Variants in GNAZ observed in about 807,000 individuals in gnomAD.
GNAZ encodes the protein G protein subunit alpha z, also known as guanine nucleotide-binding protein G(z) subunit alpha.
Under a neutral mutation model 25.4 loss-of-function variants are expected in GNAZ, and 3 were observed. That is an observed-to-expected ratio of 0.12 (90% CI 0.05 to 0.30). The LOEUF (loss-of-function observed/expected upper bound fraction) is 0.30. Ranked by LOEUF, GNAZ falls within the 10% of genes least tolerant of loss-of-function variation. The pLI, the probability that GNAZ is intolerant of heterozygous loss-of-function variation, is 1.00. For synonymous variants in GNAZ, 211 were observed against 205.7 expected (o/e 1.03, Z -0.22); for missense variants, 241 against 501.8 (o/e 0.48, Z 4.97).
rs200852509 is a variant in GNAZ at position 23,100,097 on chromosome 22, C to CCTG, written c.723+3680_723+3682dup. The stretch of plus-strand genomic sequence containing the variant: ...AGCCCTGTGGCGGGTCTGTTTTGCA[C>CCTG]CTGTGATGGACCTGCTGTGCAGGCT... On this transcript the variant is annotated intron_variant, in intron 2 of 2. Transcript: ENST00000615612. 6.4e-3 allele frequency among the ~76,000 whole-genome samples: 976 copies of CCTG among 152,336 alleles called. 7 individuals carry two copies. The highest frequency in any genetic ancestry group is 0.022 in the African/African-American group (895 of 41,570).
chr22:23,121,854 T>TGCCCAA (rs891114075), intron 2 of GNAZ, among the ~76,000 whole-genome samples: 3 of 151,856 alleles, frequency 2.0e-5, no homozygotes, highest in Non-Finnish European at 4.4e-5. Context: ...CCCAAGGAGC[T>TGCCCAA]GGGATTACAG....
In GNAZ at chr22:23,124,945, T is replaced by A. The variant is rs897026888; in HGVS notation, c.*1514T>A. ...GTGTGCGGAATCACAGCCAAGGACG[T>A]GAAGAGATGTACGGGGGAAAGAGAA... is the stretch of plus-strand genomic sequence containing the variant. On this transcript the variant is annotated 3_prime_UTR_variant, in exon 3 of 3. Transcript: ENST00000615612. The A allele has an allele frequency of 2.6e-5, 4 of 152,332 alleles. No individual in the cohort carries two copies. The highest frequency in any genetic ancestry group is 4.4e-5 in the Non-Finnish European group (3 of 68,150). 9.4% of individuals were successfully genotyped at this position (152,332 alleles called of 1,614,324 possible).
In GNAZ at chr22:23,102,597, T is replaced by C. The variant is rs1234117656; in HGVS notation, c.723+6179T>C. 2.0e-5 allele frequency among the ~76,000 whole-genome samples: 3 copies of C among 152,210 alleles called. No homozygotes were observed. The East Asian group carries it at 5.8e-4, about 29-fold the overall frequency. On this transcript the variant is annotated intron_variant, in intron 2 of 2. Transcript: ENST00000615612. ...GGCCCTGGGCTCAAGCCCTGCTGCT[T>C]GGGCTGCCCCCACACCTGCTCTGCC... is the stretch of plus-strand genomic sequence containing the variant.
In GNAZ at chr22:23,097,408, C is replaced by T. The variant is rs150891907; in HGVS notation, c.723+990C>T. ...GCCAGGGAACCTGGACAGCTCTAGG[C>T]AGTGGCCATGGTGCTAGGAGCCTGA... is the stretch of plus-strand genomic sequence containing the variant. On this transcript the variant is annotated intron_variant, in intron 2 of 2. Transcript: ENST00000615612. Among the ~76,000 whole-genome samples the T allele has an allele frequency of 3.2e-3, 489 of 152,328 alleles. 2 individuals carry two copies. Among genetic ancestry groups the T allele is most frequent in the African/African-American group, 0.011 (466 of 41,582 alleles).
intron 2 of GNAZ, among the ~76,000 whole-genome samples, chr22:23,107,201 G>C (rs1439145061): frequency 6.6e-6 from 1 of 152,168 alleles, no homozygotes; most frequent in Non-Finnish European, 1.5e-5. Flanking sequence ...GCAGGGGGGA[G>C]GGGGCCACCG....
chr22:23,110,280 A>G (rs568599432), intron 2 of GNAZ, among the ~76,000 whole-genome samples: 61 of 151,936 alleles, frequency 4.0e-4, no homozygotes, highest in African/African-American at 1.5e-3. Flanking sequence ...TGAGCCCAGG[A>G]GCCTCTCACA....
chr22:23,085,967 G>C (rs900065090), intron 1 of GNAZ, among the ~76,000 whole-genome samples: 1 of 152,216 alleles, frequency 6.6e-6, no homozygotes, highest in Non-Finnish European at 1.5e-5. Context: ...GCTAATCCCC[G>C]CTGTTTAAGC....
Position 23,072,141 on chromosome 22 carries a change from G to C in GNAZ, c.-450+1571G>C, listed in dbSNP as rs554937289. ...CTGTGCTTCCAGGCACTTCTCCCTCGGGCACAGCCAGGGCACTGGGTAACC... is the reference window on the plus strand; with the variant it reads ...CTGTGCTTCCAGGCACTTCTCCCTCCGGCACAGCCAGGGCACTGGGTAACC... On this transcript the variant is annotated intron_variant, in intron 1 of 2. Coordinates refer to ENST00000615612, the MANE Select transcript of GNAZ (RefSeq NM_002073.4). Among the ~76,000 whole-genome samples the C allele has an allele frequency of 3.9e-5, 6 of 152,240 alleles. No individual in the cohort carries two copies. In the East Asian group the frequency reaches 1.2e-3, roughly 29 times the overall value.
chr22:23,091,572 C>A (rs905131881), intron 1 of GNAZ, among the ~76,000 whole-genome samples: 3 of 151,626 alleles, frequency 2.0e-5, no homozygotes, highest in Admixed American at 6.6e-5. Context: ...GCACACGCAC[C>A]GCAGTGGATT....
intron 2 of GNAZ, among the ~76,000 whole-genome samples, chr22:23,116,501 C>G (rs935046532): frequency 6.6e-6 from 1 of 152,236 alleles, no homozygotes; most frequent in Admixed American, 6.5e-5. Flanking sequence ...TGAGCTACCT[C>G]ATGCAGGACC....
intron 2 of GNAZ, among the ~76,000 whole-genome samples, chr22:23,101,042 G>T (rs548327242): frequency 1.3e-5 from 2 of 152,192 alleles, no homozygotes; most frequent in African/African-American, 4.8e-5. Flanking sequence ...AGTAAGACAG[G>T]CTTATACCTA....
At chr22:23,107,819 C>CCTGCTTATCAAATGCCTCTTCAGTCTGTT (rs1271195806) in intron 2 of GNAZ, among the ~76,000 whole-genome samples, 7 of 152,220 alleles carry the variant, frequency 4.6e-5, no homozygotes, top group African/African-American at 1.7e-4. Context: ...CGGAAGAGCA[C>CCTGCTTATCAAATGCCTCTTCAGTCTGTT]CTGCTTATCA....
At chr22:23,110,105 G>A (rs915866453) in intron 2 of GNAZ, among the ~76,000 whole-genome samples, 2 of 152,218 alleles carry the variant, frequency 1.3e-5, no homozygotes, top group Non-Finnish European at 2.9e-5. Context: ...CCCATTTCCT[G>A]AGGCTAGTAG....
chr22:23,098,268 C>T lies in GNAZ; in HGVS notation c.723+1850C>T, dbSNP rs542980252. ...GATCCTGATCCCTGCCTCTCGTACC[C>T]CTGCCCTTATCCTCCAGGTCTCATC... On this transcript the variant is annotated intron_variant, in intron 2 of 2. Coordinates refer to ENST00000615612, the MANE Select transcript of GNAZ (RefSeq NM_002073.4). 3.9e-5 allele frequency among the ~76,000 whole-genome samples: 6 copies of T among 152,360 alleles called. No homozygotes were observed. The South Asian group carries it at 1.2e-3, about 32-fold the overall frequency.
rs771929971 is a variant in GNAZ at position 23,104,219 on chromosome 22, G to A, written c.723+7801G>A. On this transcript the variant is annotated intron_variant, in intron 2 of 2. Coordinates refer to ENST00000615612, the MANE Select transcript of GNAZ (RefSeq NM_002073.4). The stretch of plus-strand genomic sequence containing the variant: ...GCAGCGGGATGACGGAGGACCAGGC[G>A]GTGTAAGGTCTAAGCAGGCAGGGCA... 5.3e-5 allele frequency among the ~76,000 whole-genome samples: 8 copies of A among 152,274 alleles called. No homozygotes were observed. In the East Asian group the frequency reaches 5.8e-4, roughly 11 times the overall value.
chr22:23,112,375 C>T (rs2069680606), intron 2 of GNAZ, among the ~76,000 whole-genome samples: 4 of 152,160 alleles, frequency 2.6e-5, no homozygotes, highest in South Asian at 2.1e-4. Flanking sequence ...CTCCCAAGAC[C>T]GTGGGAGGTC....
In GNAZ at chr22:23,125,024, C is replaced by G. The variant is rs1382563312; in HGVS notation, c.*1593C>G. 6.6e-6 allele frequency: 1 copy of G among 152,250 alleles called. No homozygotes were observed. Among genetic ancestry groups the G allele is most frequent in the East Asian group, 1.9e-4 (1 of 5,198 alleles). The allele number at this position is 152,250 out of a possible 1,614,324, so 9.4% of individuals were successfully genotyped here. The stretch of plus-strand genomic sequence containing the variant: ...GTCTACTTTAAGAAAATAAAATACC[C>G]TGAATGGAGCCCAGCATTGTCCCAG... On this transcript the variant is annotated 3_prime_UTR_variant, in exon 3 of 3. Coordinates refer to ENST00000615612, the MANE Select transcript of GNAZ (RefSeq NM_002073.4).
intron 2 of GNAZ, among the ~76,000 whole-genome samples, chr22:23,099,798 C>G (rs2069241826): frequency 1.3e-5 from 2 of 152,230 alleles, no homozygotes; most frequent in South Asian, 4.1e-4. Context: ...CTGGCACCTA[C>G]CAGCCCACAC....
intron 1 of GNAZ, among the ~76,000 whole-genome samples, chr22:23,083,342 A>T (rs1206441900): frequency 6.6e-6 from 1 of 152,038 alleles, no homozygotes; most frequent in African/African-American, 2.4e-5. Flanking sequence ...CTCCAGGAGG[A>T]GGCCATGGGT....
Sources: allele counts gnomAD v4.1 joint callset (sites outside exome capture counted in the v4.1 genomes callset), GRCh38; gene constraint gnomAD v4.1.1; transcripts MANE v1.5; gene names NCBI Gene and HGNC (gene_info 2026-07-23, HGNC 2026-07-21).